HUNK: variants seen among roughly 807,000 people sequenced by gnomAD.
The protein encoded by HUNK is hormonally up-regulated Neu-associated kinase, also known as hormonally up-regulated neu tumor-associated kinase.
HUNK carries 21 observed loss-of-function variants against 61.0 expected under a neutral mutation model. The ratio of observed to expected loss-of-function variants is 0.34; its 90% confidence interval spans 0.24 to 0.50. The LOEUF (loss-of-function observed/expected upper bound fraction) is 0.50. Among genes scored for constraint, HUNK ranks in the 20% least tolerant of loss-of-function variants. The pLI is 0.98. For synonymous variants in HUNK, 371 were observed against 386.1 expected (o/e 0.96, Z 0.46); for missense variants, 772 against 945.7 (o/e 0.82, Z 2.41).
intron 8 of HUNK, among the ~76,000 whole-genome samples, chr21:31,984,389 AG>A (rs1232677029): frequency 6.6e-6 from 1 of 152,212 alleles, no homozygotes; most frequent in Admixed American, 6.5e-5. Context: ...TAAAAATAAA[AG>A]GAAAAAAATG....
At chr21:31,888,218 G>T (rs1299793737) in intron 1 of HUNK, among the ~76,000 whole-genome samples, 3 of 152,154 alleles carry the variant, frequency 2.0e-5, no homozygotes, top group Non-Finnish European at 4.4e-5. Context: ...AGTGTTTGGA[G>T]TCCAAACTGC....
At chr21:31,881,571 C>T (rs931116584) in intron 1 of HUNK, among the ~76,000 whole-genome samples, 1 of 151,920 alleles carries the variant, frequency 6.6e-6, no homozygotes. Flanking sequence ...TGCAGTGAGC[C>T]GAGATTGTGC....
chr21:31,928,358 C>T (rs2052675144), intron 2 of HUNK, among the ~76,000 whole-genome samples: 2 of 152,320 alleles, frequency 1.3e-5, no homozygotes, highest in East Asian at 3.9e-4. Context: ...AGGAAATTCT[C>T]AACAGCCCTT....
chr21:31,894,357 TTTTAGACTCAGAA>T (rs2052411052), intron 1 of HUNK, among the ~76,000 whole-genome samples: 1 of 152,150 alleles, frequency 6.6e-6, no homozygotes, highest in Admixed American at 6.5e-5. Flanking sequence ...TAAAATCCAT[TTTTAGACTCAGAA>T]TTCTGCATCT....
chr21:31,976,417 CT>C (rs1309835578), intron 7 of HUNK, among the ~76,000 whole-genome samples: 1 of 145,934 alleles, frequency 6.9e-6, no homozygotes, highest in Admixed American at 6.8e-5. Flanking sequence ...GGACTTGAAG[CT>C]GTTTCTCTCT....
chr21:32,003,572 G>C lies in HUNK; in HGVS notation c.*4388G>C, dbSNP rs935035122. ...ACAGGCACAGTAAGAATAATTCAGA[G>C]CGGTACTGGGAGTTGGTTCAATTTC... On this transcript the variant is annotated 3_prime_UTR_variant, in exon 11 of 11. Coordinates refer to ENST00000270112, the MANE Select transcript of HUNK (RefSeq NM_014586.2). 5 of 152,178 alleles carry C rather than the reference G, an allele frequency of 3.3e-5. No individual in the cohort carries two copies. Among genetic ancestry groups the C allele is most frequent in the Non-Finnish European group, 7.3e-5 (5 of 68,046 alleles). The allele number at this position is 152,178 out of a possible 1,614,324, so 9.4% of individuals were successfully genotyped here.
chr21:31,915,376 T>C (rs2052575034), intron 1 of HUNK, among the ~76,000 whole-genome samples: 3 of 152,186 alleles, frequency 2.0e-5, no homozygotes, highest in African/African-American at 7.2e-5. Flanking sequence ...AATTTCCATA[T>C]GAAAAGAAAA....
rs540897986 is a variant in HUNK, at chr21:31,962,226, G to T, written c.874+3256G>T. Among the ~76,000 whole-genome samples, 8 of 152,318 alleles carry T rather than the reference G, an allele frequency of 5.3e-5. No individual in the cohort carries two copies. In the South Asian group the frequency reaches 8.3e-4, roughly 16 times the overall value. On this transcript the variant is annotated intron_variant, in intron 5 of 10. Coordinates refer to ENST00000270112, the MANE Select transcript of HUNK (RefSeq NM_014586.2). Reference sequence around the variant, plus strand: ...GGGGCAGTGCAACCTTACCATGTGCGTTGAAAGTGAAAAGCCAGAAATATT... The same window carrying T: ...GGGGCAGTGCAACCTTACCATGTGCTTTGAAAGTGAAAAGCCAGAAATATT...
rs375635912 is a variant in HUNK at position 32,001,118 on chromosome 21, C to T, written c.*1934C>T. The T allele has an allele frequency of 2.0e-5, 3 of 152,950 alleles. No individual in the cohort carries two copies. Among genetic ancestry groups the T allele is most frequent in the African/African-American group, 7.4e-5 (3 of 40,714 alleles). 9.5% of individuals were successfully genotyped at this position (152,950 alleles called of 1,614,324 possible). Reference sequence around the variant, plus strand: ...GAAAGCCCGTCTCTACCGAAAAATACAAAAAAAAATAGCTGGGTGTGGTGG... The same window carrying T: ...GAAAGCCCGTCTCTACCGAAAAATATAAAAAAAAATAGCTGGGTGTGGTGG... On this transcript the variant is annotated 3_prime_UTR_variant, in exon 11 of 11. Coordinates refer to ENST00000270112, the MANE Select transcript of HUNK (RefSeq NM_014586.2).
intron 2 of HUNK, among the ~76,000 whole-genome samples, chr21:31,933,061 G>A (rs868120498): frequency 1.4e-4 from 21 of 151,828 alleles, no homozygotes; most frequent in Non-Finnish European, 1.8e-4. Flanking sequence ...GACTACAGGC[G>A]CCCATCACCA....
At chr21:31,954,354 G>GT (rs1196415012) in intron 4 of HUNK, among the ~76,000 whole-genome samples, 1 of 152,232 alleles carries the variant, frequency 6.6e-6, no homozygotes, top group East Asian at 1.9e-4. Flanking sequence ...CTCGATAACT[G>GT]TGTGTGTTGA....
chr21:31,921,809 TTTTG>T (rs1184244139), intron 1 of HUNK, among the ~76,000 whole-genome samples: 1 of 152,182 alleles, frequency 6.6e-6, no homozygotes. Flanking sequence ...TTTTTCCCTT[TTTTG>T]TTTTCTTTTT....
chr21:31,966,969 C>T (rs1759068210), intron 5 of HUNK, among the ~76,000 whole-genome samples: 1 of 152,190 alleles, frequency 6.6e-6, no homozygotes, highest in African/African-American at 2.4e-5. Context: ...GACAGACCGT[C>T]TGCATTTTGA....
Position 32,000,245 on chromosome 21 carries a change from G to T in HUNK, c.*1061G>T. The T allele has an allele frequency of 2.5e-6, 1 of 399,120 alleles. No homozygotes were observed. The highest frequency in any genetic ancestry group is 1.3e-4 in the South Asian group (1 of 7,864). 24.7% of individuals were successfully genotyped at this position (399,120 alleles called of 1,614,324 possible). ...TTCAAGCTGCCCACAGAACTGGTGC[G>T]GCTCAGAGCTCGGCGAGTTTGCTGG... On this transcript the variant is annotated 3_prime_UTR_variant, in exon 11 of 11. Coordinates refer to ENST00000270112, the MANE Select transcript of HUNK (RefSeq NM_014586.2).
At chr21:31,996,016 C>T in intron 10 of HUNK, 68 bp downstream of exon 10, 2 of 1,220,630 alleles carry the variant, frequency 1.6e-6, no homozygotes, top group Non-Finnish European at 1.2e-6. Flanking sequence ...GTAGCCCTCA[C>T]AGGGGATGGT....
Position 31,924,809 on chromosome 21 carries a change from G to A in HUNK, c.554+49G>A, listed in dbSNP as rs962174146. ...ATCGCTGACTGTGTGCTCCGTGGGTGGCACTGGGCTGTGGCACCCTCTGAG... is the reference window on the plus strand; with the variant it reads ...ATCGCTGACTGTGTGCTCCGTGGGTAGCACTGGGCTGTGGCACCCTCTGAG... On this transcript the variant is annotated intron_variant, in intron 2 of 10. Transcript: ENST00000270112. The surrounding 1 kb of genome is among the most constrained non-coding windows in gnomAD (Gnocchi z 5.1). 1.3e-6 allele frequency: 2 copies of A among 1,511,176 alleles called. No individual in the cohort carries two copies. Among genetic ancestry groups the A allele is most frequent in the Non-Finnish European group, 1.8e-6 (2 of 1,122,466 alleles). The allele number at this position is 1,511,176 out of a possible 1,614,324, so 93.6% of individuals were successfully genotyped here.
chr21:31,965,605 T>C (rs914667821), intron 5 of HUNK, among the ~76,000 whole-genome samples: 30 of 149,456 alleles, frequency 2.0e-4, no homozygotes, highest in African/African-American at 7.0e-4. Context: ...TTTTTTTTTT[T>C]TTTTTTTTAA....
At chr21:31,882,742 T>C (rs760338633) in intron 1 of HUNK, among the ~76,000 whole-genome samples, 5 of 152,306 alleles carry the variant, frequency 3.3e-5, no homozygotes, top group Middle Eastern at 3.4e-3. Flanking sequence ...CTAACAGACA[T>C]TAGAATTTAG....
rs1015029508 is a variant in HUNK, at chr21:31,906,024, C to G, written c.262-18444C>G. ...CTGGAGCTGCTGTGTCTCTCCCTCC[C>G]CTGGGTTTTTGCACTGCTGCCCCTG... On this transcript the variant is annotated intron_variant, in intron 1 of 10. Coordinates refer to ENST00000270112, the MANE Select transcript of HUNK (RefSeq NM_014586.2). 1.8e-4 allele frequency among the ~76,000 whole-genome samples: 28 copies of G among 152,084 alleles called. 1 individual carries two copies. The highest frequency in any genetic ancestry group is 9.2e-4 in the Admixed American group (14 of 15,268).
Sources: gnomAD v4.1 joint callset for allele counts (sites outside exome capture counted in the v4.1 genomes callset) on GRCh38, gnomAD v4.1.1 for gene constraint, Gnocchi (gnomAD v3.1) non-coding constraint, MANE v1.5 for transcripts, NCBI Gene and HGNC (gene_info 2026-07-23, HGNC 2026-07-21) for gene names.